The following SAFB2 variants were observed in gnomAD, a reference collection of about 807,000 sequenced individuals.
SAFB2 encodes the protein scaffold attachment factor B2.
SAFB2 carries 32 observed loss-of-function variants against 100.6 expected under a neutral mutation model. The observed-to-expected ratio is 0.32, with a 90% CI of 0.24 to 0.43. The LOEUF is 0.43. Among genes scored for constraint, SAFB2 ranks in the 20% least tolerant of loss-of-function variants. The probability of loss-of-function intolerance (pLI) is 1.00; values close to 1 mark genes in which losing one functional copy is unlikely to be tolerated. For synonymous variants in SAFB2, 500 were observed against 439.4 expected, an observed-to-expected ratio of 1.14 and a Z score of -1.72; for missense variants, 1,185 against 1,163.4, an observed-to-expected ratio of 1.02 and a Z score of -0.27.
Position 5,611,564 on chromosome 19 carries a change from G to C in SAFB2, c.701C>G (p.Ser234Cys). The change falls in exon 7 of 21, where the codon TCC (serine) becomes TGC (cysteine). Residue 234 changes from serine (S) to cysteine (C), a missense_variant. Around this residue, in one of 3 missense-constraint regions of SAFB2, gnomAD observed 351 missense variants for 341.2 expected, o/e 1.03. Transcript: ENST00000252542. ...CTGTGCAAATGGCTGCTCCAGCTCG[G>C]AACTTTCTTCTTTTACTGGCTCAGA... ...CKSEPVKEES[S>C]ELEQPFAQDT... The C allele has an allele frequency of 2.0e-6, 1 of 492,210 alleles. No individual in the cohort carries two copies. Among genetic ancestry groups the C allele is most frequent in the Non-Finnish European group, 3.5e-6 (1 of 288,378 alleles). 30.5% of individuals were successfully genotyped at this position (492,210 alleles called of 1,614,324 possible).
intron 1 of SAFB2, among the ~76,000 whole-genome samples, chr19:5,622,123 A>G (rs1416976865): frequency 1.3e-5 from 2 of 152,202 alleles, no homozygotes; most frequent in Admixed American, 6.5e-5. Flanking sequence ...GGGCAAGAAC[A>G]AGCACCGCCC....
At chr19:5,621,133 TC>T (rs2053131244) in intron 2 of SAFB2, among the ~76,000 whole-genome samples, 175 bp downstream of exon 2, 1 of 152,134 alleles carries the variant, frequency 6.6e-6, no homozygotes, top group Admixed American at 6.5e-5. Context: ...TCTTTCCTCC[TC>T]CCTGTGCCCT....
intron 8 of SAFB2, 65 bp downstream of exon 8, chr19:5,610,574 C>T: frequency 8.5e-7 from 1 of 1,179,254 alleles, no homozygotes; most frequent in South Asian, 1.3e-5. Context: ...TGTATATCTC[C>T]AGGCCCCTCC....
intron 17 of SAFB2, among the ~76,000 whole-genome samples, chr19:5,590,918 GCT>G (rs1179343233): frequency 2.0e-5 from 3 of 152,176 alleles, no homozygotes; most frequent in East Asian, 3.9e-4. Flanking sequence ...TCTCCACCAG[GCT>G]GCTGCTTTCT....
intron 9 of SAFB2, 114 bp from the exon 10 acceptor site, chr19:5,605,050 AG>A: frequency 2.5e-6 from 3 of 1,223,064 alleles, no homozygotes; most frequent in Non-Finnish European, 3.4e-6. Flanking sequence ...CCCATATGGT[AG>A]TTTTCCATTT....
Position 5,611,142 on chromosome 19 carries a change from C to G in SAFB2, c.1123G>C (p.Glu375Gln), listed in dbSNP as rs773775797. The G allele has an allele frequency of 6.0e-5, 28 of 470,086 alleles. No homozygotes were observed. Among genetic ancestry groups the G allele is most frequent in the South Asian group, 3.7e-4 (13 of 35,122 alleles). The allele number at this position is 470,086 out of a possible 1,614,324, so 29.1% of individuals were successfully genotyped here. A position where few individuals can be genotyped will look rare whatever the true frequency, so the allele number is the denominator to read the frequency against. Residue 375 changes from glutamate to glutamine, a missense_variant, in exon 7 of 21, where the codon GAG (glutamate) becomes CAG (glutamine). Coordinates refer to ENST00000252542, the MANE Select transcript of SAFB2 (RefSeq NM_014649.3). ...AACCTCATTTTCTGATCAGCGCCCT[C>G]ACTGGTTGAGGACTCTTTAGGAGCC... ...PPAPKESSTS[E>Q]GADQKMSSFK...
At chr19:5,589,807 G>A (rs1241892650) in intron 18 of SAFB2, among the ~76,000 whole-genome samples, 2 of 152,118 alleles carry the variant, frequency 1.3e-5, no homozygotes, top group East Asian at 1.9e-4. Context: ...CTGGGTGGAG[G>A]GTCCTCCTAA....
intron 9 of SAFB2, among the ~76,000 whole-genome samples, chr19:5,608,219 C>T (rs767518027): frequency 5.9e-5 from 9 of 152,224 alleles, no homozygotes; most frequent in Non-Finnish European, 1.2e-4. Context: ...GTCACTTCTT[C>T]AGCGAGCTCT....
Position 5,591,808 on chromosome 19 carries a change from G to A in SAFB2, c.2349-15C>T, listed in dbSNP as rs1229953526. 1.2e-6 allele frequency: 2 copies of A among 1,613,964 alleles called. No homozygotes were observed. Among genetic ancestry groups the A allele is most frequent in the South Asian group, 2.2e-5 (2 of 91,068 alleles). ...AACCCTCCCGCCTGCAAAAGGAAAA[G>A]ATCCCGTTCAAACAGCACCAGGCAC... On this transcript the variant is annotated splice_polypyrimidine_tract_variant and intron_variant, in intron 16 of 20. Transcript: ENST00000252542.
At chr19:5,610,563 G>T in intron 8 of SAFB2, 76 bp downstream of exon 8, 2 of 1,026,188 alleles carry the variant, frequency 1.9e-6, no homozygotes, top group Non-Finnish European at 3.0e-6. Context: ...AATCCAAAGT[G>T]TGTATATCTC....
chr19:5,595,285 T>TC (rs2052512255), intron 14 of SAFB2, 76 bp downstream of exon 14: 4 of 1,555,004 alleles, frequency 2.6e-6, no homozygotes, highest in Non-Finnish European at 1.7e-6. Flanking sequence ...GACTGCGCAC[T>TC]CCAAGTACAG....
At chr19:5,622,491 G>A (rs2053187418) in intron 1 of SAFB2, 39 bp downstream of exon 1, 5 of 1,505,598 alleles carry the variant, frequency 3.3e-6, no homozygotes, top group Non-Finnish European at 4.4e-6. Context: ...GGGCGTGCCC[G>A]GGCCTCCTGC....
chr19:5,591,889 C>T (rs1368238049), intron 16 of SAFB2, 96 bp from the exon 17 acceptor site: 3 of 1,181,962 alleles, frequency 2.5e-6, no homozygotes, highest in African/African-American at 1.5e-5. Flanking sequence ...TTTTTCCATC[C>T]CATCACATAA....
At chr19:5,612,245 A>G in intron 6 of SAFB2, 1 of 472,642 alleles carries the variant, frequency 2.1e-6, no homozygotes, top group African/African-American at 2.0e-5. Context: ...TTTCATGTGT[A>G]GAAACACATG....
At position 5,621,395 on chromosome 19, in the gene SAFB2, G is replaced by C; in HGVS notation, c.188C>G (p.Ala63Gly). 1 of 1,601,208 alleles carries C rather than the reference G, an allele frequency of 6.2e-7. No individual in the cohort carries two copies. The highest frequency in any genetic ancestry group is 8.6e-7 in the Non-Finnish European group (1 of 1,168,388). Residue 63 changes from alanine (A) to glycine (G), a missense_variant and splice_region_variant, in exon 2 of 21, where the codon GCG becomes GGG. Coordinates refer to ENST00000252542, the MANE Select transcript of SAFB2 (RefSeq NM_014649.3). ...AGGATCTTGCCCCTCTTCTTTAACC[G>C]CCTATTAGGGAGAGATGAGTTTTAC... Reference protein sequence around the residue: ...KSVLMERLKKAVKEEGQDPDE... With the variant: ...KSVLMERLKKGVKEEGQDPDE...
At position 5,604,927 on chromosome 19, in the gene SAFB2, C is replaced by T; in HGVS notation, c.1306G>A (p.Ala436Thr). 2 of 1,612,666 alleles carry T rather than the reference C, an allele frequency of 1.2e-6. No individual in the cohort carries two copies. The highest frequency in any genetic ancestry group is 1.1e-5 in the South Asian group (1 of 91,038). ...CTGCGGGCGTTCGTTACCACTTTGG[C>T]CCCGACAACCTTCATGAAAAAGGGC... ...LFSKYGKVVG[A>T]KVVTNARSPG... The change falls in exon 10 of 21, where the codon GCC becomes ACC. Residue 436 changes from alanine (A) to threonine (T), a missense_variant. Physicochemically the swap from Ala to Thr is moderately conservative, Grantham distance 58. Coordinates refer to ENST00000252542, the MANE Select transcript of SAFB2 (RefSeq NM_014649.3).
chr19:5,594,667 C>T (rs2052498135), intron 14 of SAFB2, among the ~76,000 whole-genome samples: 1 of 152,178 alleles, frequency 6.6e-6, no homozygotes, highest in Non-Finnish European at 1.5e-5. Context: ...CAAAGCCACA[C>T]ACGGCTGGGC....
intron 17 of SAFB2, chr19:5,591,541 G>C (rs2052404174): frequency 1.9e-6 from 1 of 534,490 alleles, no homozygotes; most frequent in Non-Finnish European, 3.4e-6. Context: ...GCTTCCCAAA[G>C]TGCTGGGATT....
chr19:5,609,826 C>T (rs1315986784), intron 9 of SAFB2, among the ~76,000 whole-genome samples, 169 bp downstream of exon 9: 2 of 152,194 alleles, frequency 1.3e-5, no homozygotes, highest in Non-Finnish European at 2.9e-5. Flanking sequence ...TTAGTAAACA[C>T]AACATCTTGC....
Sources: gnomAD v4.1 joint callset for allele counts (sites outside exome capture counted in the v4.1 genomes callset) on GRCh38, gnomAD v4.1.1 for gene constraint, gnomAD v4.1.1 regional missense constraint, MANE v1.5 for transcripts, NCBI Gene and HGNC (gene_info 2026-07-23, HGNC 2026-07-21) for gene names.